ABCC9: variants seen among roughly 807,000 people sequenced by gnomAD.
ABCC9 encodes the protein ATP binding cassette subfamily C member 9, also known as ATP-binding cassette sub-family C member 9.
In ABCC9, 95 loss-of-function variants were observed where a neutral mutation model predicts 188.3. The ratio of observed to expected loss-of-function variants is 0.50; its 90% CI spans 0.43 to 0.60. The LOEUF is 0.60. Ranked by LOEUF, ABCC9 falls within the 20% of genes least tolerant of loss-of-function variation. The probability of loss-of-function intolerance (pLI) is 0.00; values close to 1 mark genes in which losing one functional copy is unlikely to be tolerated. For missense variants in ABCC9, 1,102 were observed against 1,876.3 expected, an observed-to-expected ratio of 0.59 and a Z score of 7.62; for synonymous variants, 659 against 652.7, an observed-to-expected ratio of 1.01 and a Z score of -0.15.
intron 12 of ABCC9, among the ~76,000 whole-genome samples, chr12:21,901,108 G>A (rs1325794460): frequency 2.6e-5 from 4 of 152,152 alleles, no homozygotes; most frequent in South Asian, 2.1e-4. Flanking sequence ...GGGATCTCTC[G>A]ACAGAAACTC....
At chr12:21,869,375 C>CT (rs1333734783) in intron 18 of ABCC9, among the ~76,000 whole-genome samples, 2 of 152,182 alleles carry the variant, frequency 1.3e-5, no homozygotes, top group African/African-American at 4.8e-5. Flanking sequence ...GTGAAATGAA[C>CT]TCTTAAATGG....
chr12:21,924,184 T>A (rs1427234413), intron 5 of ABCC9: 1 of 206,548 alleles, frequency 4.8e-6, no homozygotes, highest in Non-Finnish European at 9.6e-6. Flanking sequence ...ATTTAGCAAA[T>A]TAAGATCGCT....
intron 31 of ABCC9, among the ~76,000 whole-genome samples, chr12:21,821,927 T>C (rs2137223952): frequency 6.6e-6 from 1 of 152,268 alleles, no homozygotes; most frequent in Non-Finnish European, 1.5e-5. Flanking sequence ...CAAAACTACT[T>C]GTATAATTTT....
chr12:21,862,925 G>T (rs772784857), intron 20 of ABCC9, 28 bp downstream of exon 20: 1 of 1,460,318 alleles, frequency 6.8e-7, no homozygotes, highest in Non-Finnish European at 9.6e-7. Flanking sequence ...TGCCATTTTG[G>T]TTCTAAATTT....
chr12:21,925,479 G>A, intron 5 of ABCC9: 1 of 702,386 alleles, frequency 1.4e-6, no homozygotes, highest in Non-Finnish European at 2.6e-6. Flanking sequence ...GTAAAATGTG[G>A]CATTCCCACA....
At position 21,805,981 on chromosome 12, in the gene ABCC9, C is replaced by G. The variant is rs1286094139; in HGVS notation, c.4512+17G>C. 2 of 1,613,126 alleles carry G rather than the reference C, an allele frequency of 1.2e-6. No homozygotes were observed. The highest frequency in any genetic ancestry group is 2.2e-5 in the South Asian group (2 of 91,054). The stretch of plus-strand genomic sequence containing the variant: ...AAAAACCAAAGAGGTATACCAACTC[C>G]GTCTTCTCATACTTACAGCTATTGT... On this transcript the variant is annotated intron_variant, in intron 39 of 39. Transcript: ENST00000261200.
At position 21,915,800 on chromosome 12, in the gene ABCC9, G is replaced by A. The variant is rs1948579483; in HGVS notation, c.684C>T (p.Tyr228=). 6.2e-7 allele frequency: 1 copy of A among 1,613,402 alleles called. No individual in the cohort carries two copies. Among genetic ancestry groups the A allele is most frequent in the Admixed American group, 1.7e-5 (1 of 59,928 alleles). Residue 228 remains tyrosine, a synonymous_variant, in exon 7 of 40, where the codon TAC becomes TAT. Transcript: ENST00000261200. ...ATATAATAAGTGTGTTCATCCACCA[G>A]TATGTTGCTTTTGACAGCAAATTCA... ...PFVNLLSKAT[Y]WWMNTLIISA...
At chr12:21,866,666 TCA>T (rs1265070844) in intron 18 of ABCC9, among the ~76,000 whole-genome samples, 1 of 152,140 alleles carries the variant, frequency 6.6e-6, no homozygotes, top group Non-Finnish European at 1.5e-5. Context: ...AATGCAAGGG[TCA>T]CGGAAACCAA....
At chr12:21,881,258 T>C (rs1158366222) in intron 16 of ABCC9, among the ~76,000 whole-genome samples, 1 of 152,170 alleles carries the variant, frequency 6.6e-6, no homozygotes, top group African/African-American at 2.4e-5. Flanking sequence ...TGCAGTATGT[T>C]GTATTTCACA....
intron 12 of ABCC9, among the ~76,000 whole-genome samples, chr12:21,900,857 G>A (rs753581510): frequency 6.6e-6 from 1 of 152,184 alleles, no homozygotes; most frequent in African/African-American, 2.4e-5. Flanking sequence ...CAGGGAGAAT[G>A]GAACCAAGCT....
chr12:21,805,111 G>A, intron 39 of ABCC9: 1 of 1,608,360 alleles, frequency 6.2e-7, no homozygotes, highest in Non-Finnish European at 8.5e-7. Context: ...ATGCCTTACT[G>A]AGAGGATACT....
At chr12:21,878,995 G>C (rs146929571) in intron 16 of ABCC9, among the ~76,000 whole-genome samples, 3 of 152,278 alleles carry the variant, frequency 2.0e-5, no homozygotes, top group African/African-American at 4.8e-5. Flanking sequence ...GATCATGTAA[G>C]GATAGGTACA....
Position 21,842,621 on chromosome 12 carries a change from C to A in ABCC9, c.3316-150G>T, listed in dbSNP as rs1643235. 0.61 allele frequency: 452,813 copies of A among 746,532 alleles called. 140,756 individuals are homozygous for A. The highest frequency in any genetic ancestry group is 0.81 in the African/African-American group (46,407 of 57,516). The allele number at this position is 746,532 out of a possible 1,614,324, so 46.2% of individuals were successfully genotyped here. ...TTCATCCTAAGCAATTCTTCACTCA[C>A]TTCCCATAGTTTATTATGTCTGTCT... On this transcript the variant is annotated intron_variant, in intron 28 of 39. Transcript: ENST00000261200.
rs1947347507 is a variant in ABCC9 at position 21,895,298 on chromosome 12, T to C, written c.1636A>G (p.Ile546Val). ...ACAGCAAGAACAGCTGCTATGGGAA[T>C]TGCTGCATTCATGAAGACTGTGGAA... Reference protein sequence around the residue: ...TSLSIFMNAAIPIAAVLATFV... With the variant: ...TSLSIFMNAAVPIAAVLATFV... The change falls in exon 13 of 40, where the codon ATT (isoleucine) becomes GTT (valine). Residue 546 changes from isoleucine to valine, a missense_variant. Transcript: ENST00000261200. The C allele has an allele frequency of 3.1e-6, 5 of 1,613,826 alleles. No individual in the cohort carries two copies. The highest frequency in any genetic ancestry group is 4.2e-6 in the Non-Finnish European group (5 of 1,179,752).
intron 31 of ABCC9, among the ~76,000 whole-genome samples, chr12:21,823,566 C>T (rs2137235585): frequency 6.6e-6 from 1 of 152,276 alleles, no homozygotes; most frequent in Non-Finnish European, 1.5e-5. Flanking sequence ...TTCACTTTAG[C>T]CTGTTGACTC....
intron 36 of ABCC9, among the ~76,000 whole-genome samples, chr12:21,811,596 G>C (rs895954215): frequency 3.4e-5 from 5 of 146,930 alleles, no homozygotes; most frequent in Non-Finnish European, 7.5e-5. Context: ...TTTTTTTTTT[G>C]GTGGGAAACC....
At chr12:21,903,827 A>G (rs943486345) in intron 12 of ABCC9, among the ~76,000 whole-genome samples, 6 of 152,386 alleles carry the variant, frequency 3.9e-5, no homozygotes, top group African/African-American at 1.4e-4. Context: ...GATAGGAAGA[A>G]TCAATATCAT....
intron 22 of ABCC9, among the ~76,000 whole-genome samples, chr12:21,856,920 A>C (rs1945255999): frequency 6.6e-6 from 1 of 152,220 alleles, no homozygotes; most frequent in Admixed American, 6.5e-5. Flanking sequence ...TCTGTCATTC[A>C]CTAGACATCA....
At position 21,816,036 on chromosome 12, in the gene ABCC9, G is replaced by GTTTTTTTTTTTTTTTTTTTTTTTTTTTT. The variant is rs10611051; in HGVS notation, c.3893-171_3893-144dup. 4 of 58,082 alleles carry GTTTTTTTTTTTTTTTTTTTTTTTTTTTT rather than the reference G, an allele frequency of 6.9e-5. 1 individual carries two copies. The highest frequency in any genetic ancestry group is 3.0e-4 in the Admixed American group (1 of 3,380). 3.6% of individuals were successfully genotyped at this position (58,082 alleles called of 1,614,324 possible). ...TAATACTGAACCAAACTATGTGGCA[G>GTTTTTTTTTTTTTTTTTTTTTTTTTTTT]TTTTTTTTTTTTTTTTTTTTTTTTT... On this transcript the variant is annotated intron_variant, in intron 33 of 39. Transcript: ENST00000261200.
Sources: allele counts gnomAD v4.1 joint callset (sites outside exome capture counted in the v4.1 genomes callset), GRCh38; gene constraint gnomAD v4.1.1; transcripts MANE v1.5; gene names NCBI Gene and HGNC (gene_info 2026-07-23, HGNC 2026-07-21).